SOS1: variants seen among roughly 807,000 people sequenced by gnomAD.
SOS1 encodes the protein son of sevenless homolog 1.
Under a neutral mutation model 157.6 loss-of-function variants are expected in SOS1, and 25 were observed. The observed-to-expected ratio is 0.16, with a 90% confidence interval of 0.12 to 0.22. SOS1 has a LOEUF of 0.22. Among genes scored for constraint, SOS1 ranks in the 10% least tolerant of loss-of-function variants. The probability of loss-of-function intolerance (pLI) is 1.00; values close to 1 mark genes in which losing one functional copy is unlikely to be tolerated. For missense variants in SOS1, 1,237 were observed against 1,599.1 expected (o/e 0.77, Z 3.86); for synonymous variants, 528 against 534.0 (o/e 0.99, Z 0.16).
intron 1 of SOS1, among the ~76,000 whole-genome samples, chr2:39,081,574 C>T (rs1034704771): frequency 6.6e-6 from 1 of 151,904 alleles, no homozygotes; most frequent in Non-Finnish European, 1.5e-5. Context: ...CCTGTAATCC[C>T]GGCACTTTGG....
chr2:39,029,617 C>G (rs1326150409), intron 8 of SOS1, among the ~76,000 whole-genome samples: 1 of 152,014 alleles, frequency 6.6e-6, no homozygotes, highest in African/African-American at 2.4e-5. Context: ...GAGTGAGACC[C>G]TGTCTCAAAA....
Position 38,997,500 on chromosome 2 carries a change from G to T in SOS1, c.2792-75C>A, listed in dbSNP as rs1668935278. 6 of 1,031,126 alleles carry T rather than the reference G, an allele frequency of 5.8e-6. 1 individual carries two copies. The highest frequency in any genetic ancestry group is 5.2e-5 in the South Asian group (4 of 76,996). The allele number at this position is 1,031,126 out of a possible 1,614,324, so 63.9% of individuals were successfully genotyped here. A position where few individuals can be genotyped will look rare whatever the true frequency, so the allele number is the denominator to read the frequency against. On this transcript the variant is annotated intron_variant, in intron 17 of 22. Coordinates refer to ENST00000402219, the MANE Select transcript of SOS1 (RefSeq NM_005633.4). ...TTTTTTTCTGTTTCATTAATTGTGG[G>T]TATATTACACTGTACCATCTCAGTT...
Position 38,981,867 on chromosome 2 carries a change from A to C in SOS1, c.*3957T>G, listed in dbSNP as rs1459558257. The C allele has an allele frequency of 1.3e-5, 2 of 152,040 alleles. No homozygotes were observed. Among genetic ancestry groups the C allele is most frequent in the Non-Finnish European group, 1.5e-5 (1 of 68,022 alleles). 9.4% of individuals were successfully genotyped at this position (152,040 alleles called of 1,614,324 possible). On this transcript the variant is annotated 3_prime_UTR_variant, in exon 23 of 23. Transcript: ENST00000402219. ...AAAATTATACATGTCACTTTGACAA[A>C]CAAATTCTCTGGTGGTTTCACCAGA...
chr2:39,076,768 C>G (rs1011214680), intron 1 of SOS1, among the ~76,000 whole-genome samples: 3 of 152,126 alleles, frequency 2.0e-5, no homozygotes, highest in African/African-American at 7.2e-5. Context: ...GTCTACTCAA[C>G]ATTGTCTGGA....
At chr2:39,116,110 C>T (rs1026811833) in intron 1 of SOS1, among the ~76,000 whole-genome samples, 5 of 152,228 alleles carry the variant, frequency 3.3e-5, no homozygotes, top group East Asian at 1.9e-4. Context: ...TTTACTTACA[C>T]ATCTAGAAGT....
chr2:39,059,467 A>G (rs1671327701), intron 2 of SOS1, among the ~76,000 whole-genome samples: 1 of 152,152 alleles, frequency 6.6e-6, no homozygotes. Flanking sequence ...TTATTAAACT[A>G]ATATAATTCA....
chr2:39,047,476 C>A (rs533032406), intron 6 of SOS1, among the ~76,000 whole-genome samples: 1 of 152,120 alleles, frequency 6.6e-6, no homozygotes, highest in Non-Finnish European at 1.5e-5. Flanking sequence ...TACACCCTAG[C>A]CCCCACCAGC....
chr2:38,995,906 A>G (rs1189168683), intron 19 of SOS1, among the ~76,000 whole-genome samples: 1 of 152,192 alleles, frequency 6.6e-6, no homozygotes, highest in Non-Finnish European at 1.5e-5. Context: ...TTTCTCAGTG[A>G]GTGCTTCATT....
At chr2:39,085,218 C>CT (rs373142812) in intron 1 of SOS1, among the ~76,000 whole-genome samples, 1 of 151,606 alleles carries the variant, frequency 6.6e-6, no homozygotes, top group Admixed American at 6.6e-5. Context: ...GCTAATTTTT[C>CT]TTTTTTTTTG....
At chr2:38,986,682 G>A (rs1453505030) in intron 22 of SOS1, among the ~76,000 whole-genome samples, 1 of 151,800 alleles carries the variant, frequency 6.6e-6, no homozygotes, top group Non-Finnish European at 1.5e-5. Context: ...GCCAAGGCTG[G>A]CATATGTTTT....
At chr2:39,080,881 A>G (rs1461799559) in intron 1 of SOS1, among the ~76,000 whole-genome samples, 1 of 152,220 alleles carries the variant, frequency 6.6e-6, no homozygotes, top group Non-Finnish European at 1.5e-5. Flanking sequence ...GCTAAAATAC[A>G]ACCTACAAAA....
At chr2:39,058,569 A>T in intron 3 of SOS1, 104 bp downstream of exon 3, 1 of 1,218,986 alleles carries the variant, frequency 8.2e-7, no homozygotes, top group Non-Finnish European at 1.2e-6. Context: ...AGAGAATTTT[A>T]CTCTTAAGTT....
Position 38,995,306 on chromosome 2 carries a change from G to A in SOS1, c.3163C>T (p.Pro1055Ser). The A allele has an allele frequency of 6.2e-7, 1 of 1,613,882 alleles. No homozygotes were observed. The change falls in exon 20 of 23, where the codon CCT becomes TCT. Residue 1055 changes from proline (P) to serine (S), a missense_variant. Pro to Ser is a moderately conservative substitution (Grantham distance 74). This residue lies in a region of SOS1 where 43 missense variants were observed against 83.0 expected (regional missense o/e 0.52). Transcript: ENST00000402219. Reference protein sequence around the residue: ...PRPGTMRHPTPLQQEPRKISY... With the variant: ...PRPGTMRHPTSLQQEPRKISY... ...ATTTTCCTTGGCTCCTGCTGCAGAG[G>A]TGTGGGATGCCTCATGGTACCTGGT...
chr2:39,101,267 T>C (rs368897098), intron 1 of SOS1, among the ~76,000 whole-genome samples: 24 of 152,260 alleles, frequency 1.6e-4, no homozygotes, highest in East Asian at 7.7e-4. Context: ...GGGACAAGGA[T>C]GGTACCAACC....
intron 6 of SOS1, among the ~76,000 whole-genome samples, chr2:39,042,371 G>C (rs1670600749): frequency 6.6e-6 from 1 of 151,924 alleles, no homozygotes; most frequent in South Asian, 2.1e-4. Context: ...CATTTATTCA[G>C]ATCTTCCTTG....
At chr2:39,077,647 C>T (rs1672060781) in intron 1 of SOS1, among the ~76,000 whole-genome samples, 1 of 152,044 alleles carries the variant, frequency 6.6e-6, no homozygotes, top group South Asian at 2.1e-4. Context: ...AACAGAAAGA[C>T]CACCGTAATG....
intron 1 of SOS1, among the ~76,000 whole-genome samples, chr2:39,069,090 A>G (rs1375976227): frequency 6.6e-6 from 1 of 150,956 alleles, no homozygotes; most frequent in Non-Finnish European, 1.5e-5. Flanking sequence ...TAATGCCTAC[A>G]ATCCTAACAC....
intron 17 of SOS1, among the ~76,000 whole-genome samples, chr2:39,002,978 C>G (rs13023273): frequency 0.93 from 141,807 of 151,692 alleles, 66,387 homozygotes; most frequent in African/African-American, 0.95. Context: ...GGCGGGATGA[C>G]TGCTTGAGCC....
chr2:39,082,060 C>G (rs763399894), intron 1 of SOS1, among the ~76,000 whole-genome samples: 5 of 152,122 alleles, frequency 3.3e-5, no homozygotes, highest in Middle Eastern at 6.8e-3. Context: ...ACAAACAATC[C>G]AATTATACTT....
Sources: allele counts gnomAD v4.1 joint callset (sites outside exome capture counted in the v4.1 genomes callset), GRCh38; gene constraint gnomAD v4.1.1; regional missense constraint gnomAD v4.1.1; transcripts MANE v1.5; gene names NCBI Gene and HGNC (gene_info 2026-07-23, HGNC 2026-07-21).